Variants in IGSF11 observed in about 807,000 individuals in gnomAD.
IGSF11 encodes the protein CXADR like 1.
A neutral mutation model predicts 41.0 loss-of-function variants in IGSF11; 22 were observed. That is an observed-to-expected ratio of 0.54 (90% CI 0.38 to 0.77). IGSF11 has a LOEUF of 0.77. IGSF11 is among the 30% of genes least tolerant of loss of function. The probability of loss-of-function intolerance (pLI) is 0.00; values close to 1 mark genes in which losing one functional copy is unlikely to be tolerated. For synonymous variants in IGSF11, 219 were observed against 201.3 expected (o/e 1.09, Z -0.74); for missense variants, 444 against 530.8 (o/e 0.84, Z 1.61).
chr3:118,967,996 T>C (rs148936840), intron 1 of IGSF11, among the ~76,000 whole-genome samples: 82 of 152,254 alleles, frequency 5.4e-4, no homozygotes, highest in African/African-American at 1.8e-3. Flanking sequence ...AGAGAGAGAA[T>C]TTTTGAGATC....
chr3:119,015,951 C>G (rs1180144897), intron 1 of IGSF11, among the ~76,000 whole-genome samples: 1 of 152,132 alleles, frequency 6.6e-6, no homozygotes, highest in Non-Finnish European at 1.5e-5. Flanking sequence ...CAGAAGAAAA[C>G]ATGAACCATC....
At chr3:118,955,030 C>G (rs964564605) in intron 1 of IGSF11, among the ~76,000 whole-genome samples, 3 of 152,068 alleles carry the variant, frequency 2.0e-5, no homozygotes, top group African/African-American at 7.2e-5. Flanking sequence ...GTAGAACTAC[C>G]ATTTGATCCA....
At chr3:119,042,177 C>T (rs1273084176) in intron 1 of IGSF11, among the ~76,000 whole-genome samples, 2 of 152,156 alleles carry the variant, frequency 1.3e-5, no homozygotes, top group Non-Finnish European at 2.9e-5. Flanking sequence ...ATTAAGTGCC[C>T]ACTGAAGGCA....
At chr3:119,100,316 T>C (rs910514819) in intron 1 of IGSF11, among the ~76,000 whole-genome samples, 4 of 152,172 alleles carry the variant, frequency 2.6e-5, no homozygotes, top group African/African-American at 9.7e-5. Flanking sequence ...AGATATAAGA[T>C]GTTTCAGAAA....
In IGSF11 at chr3:119,033,169, G is replaced by A. The variant is rs79359004; in HGVS notation, c.52+1362C>T. Among the ~76,000 whole-genome samples the A allele has an allele frequency of 2.8e-4, 43 of 152,242 alleles. No individual in the cohort carries two copies. In the East Asian group the frequency reaches 8.1e-3, roughly 29 times the overall value. On this transcript the variant is annotated intron_variant, in intron 1 of 6. Coordinates refer to ENST00000393775, the MANE Select transcript of IGSF11 (RefSeq NM_001015887.3). ...TACACAAATGCTATTTACAAAAAGA[G>A]GAGCATTTATTATAATATACAACTT...
chr3:119,136,851 A>C (rs1266376274), intron 1 of IGSF11, among the ~76,000 whole-genome samples: 1 of 152,156 alleles, frequency 6.6e-6, no homozygotes. Flanking sequence ...ACAAAAAAAA[A>C]CTATTAGAAC....
Position 118,901,138 on chromosome 3 carries a change from T to G in IGSF11, c.*1382A>C, listed in dbSNP as rs1576304199. The G allele has an allele frequency of 1.3e-5, 2 of 152,468 alleles. No individual in the cohort carries two copies. The highest frequency in any genetic ancestry group is 2.9e-5 in the Non-Finnish European group (2 of 68,016). 9.4% of individuals were successfully genotyped at this position (152,468 alleles called of 1,614,324 possible). A position where few individuals can be genotyped will look rare whatever the true frequency, so the allele number is the denominator to read the frequency against. On this transcript the variant is annotated 3_prime_UTR_variant, in exon 7 of 7. Transcript: ENST00000393775. ...TCTGAGAAGAAATTTGTGGGTTGCT[T>G]AAGTGTGGTTAAGGCAAGACAGTCA...
intron 1 of IGSF11, among the ~76,000 whole-genome samples, chr3:119,043,178 T>A (rs986891446): frequency 2.6e-5 from 4 of 152,252 alleles, no homozygotes; most frequent in Middle Eastern, 3.4e-3. Flanking sequence ...GTTGCAAGAT[T>A]TAATAGAGTG....
intron 1 of IGSF11, among the ~76,000 whole-genome samples, chr3:119,102,511 A>T (rs1174451616): frequency 6.6e-6 from 1 of 152,194 alleles, no homozygotes; most frequent in Admixed American, 6.5e-5. Flanking sequence ...AATGTTAACA[A>T]TTCCATGTCA....
At chr3:119,114,243 C>T (rs191368374) in intron 1 of IGSF11, among the ~76,000 whole-genome samples, 386 of 152,354 alleles carry the variant, frequency 2.5e-3, no homozygotes, top group Non-Finnish European at 4.2e-3. Flanking sequence ...TTGAATTCGT[C>T]CCCAGAAAAT....
rs190109591 is a variant in IGSF11, at chr3:118,927,401, T to A, written c.424+1108A>T. 2.0e-5 allele frequency among the ~76,000 whole-genome samples: 3 copies of A among 152,356 alleles called. No individual in the cohort carries two copies. In the East Asian group the frequency reaches 5.8e-4, roughly 29 times the overall value. On this transcript the variant is annotated intron_variant, in intron 3 of 6. Coordinates refer to ENST00000393775, the MANE Select transcript of IGSF11 (RefSeq NM_001015887.3). ...TAACTTACAGGTCTAAGTATCAGAA[T>A]ATTTAATTCCATTAGTACACTATAC... is the stretch of plus-strand genomic sequence containing the variant.
At chr3:118,994,079 T>C (rs1458779165) in intron 1 of IGSF11, among the ~76,000 whole-genome samples, 2 of 152,204 alleles carry the variant, frequency 1.3e-5, no homozygotes, top group Non-Finnish European at 2.9e-5. Context: ...TTCACACTTC[T>C]GAAAGCAGTC....
At chr3:118,976,527 T>A (rs546622708) in intron 1 of IGSF11, among the ~76,000 whole-genome samples, 16 of 152,196 alleles carry the variant, frequency 1.1e-4, no homozygotes, top group Admixed American at 8.5e-4. Flanking sequence ...TGCCATGATC[T>A]GGGGTTCCAA....
chr3:119,061,426 C>G (rs76048535), intron 1 of IGSF11, among the ~76,000 whole-genome samples: 86 of 152,220 alleles, frequency 5.6e-4, no homozygotes, highest in African/African-American at 1.8e-3. Flanking sequence ...ACATGTGCAA[C>G]CTGGAAGCAT....
intron 1 of IGSF11, among the ~76,000 whole-genome samples, chr3:119,144,851 T>C (rs2077698064): frequency 6.6e-6 from 1 of 152,224 alleles, no homozygotes; most frequent in Admixed American, 6.5e-5. Context: ...CTTTACGCTT[T>C]CTTTTTTATA....
chr3:119,063,229 T>C (rs376948812), intron 1 of IGSF11, among the ~76,000 whole-genome samples: 23 of 152,170 alleles, frequency 1.5e-4, no homozygotes, highest in African/African-American at 5.3e-4. Context: ...GTCTGAGTTC[T>C]GAATGGGCCT....
chr3:119,026,309 G>A (rs1939820823), intron 1 of IGSF11, among the ~76,000 whole-genome samples: 1 of 151,980 alleles, frequency 6.6e-6, no homozygotes, highest in Non-Finnish European at 1.5e-5. Flanking sequence ...CTGGCTAGTT[G>A]TCTCTACAGC....
chr3:119,090,709 C>A (rs956505750), intron 1 of IGSF11, among the ~76,000 whole-genome samples: 3 of 152,152 alleles, frequency 2.0e-5, no homozygotes, highest in Non-Finnish European at 4.4e-5. Context: ...TTGATGGCTA[C>A]CTTTCACCAT....
chr3:119,041,526 T>G (rs1387323460), intron 1 of IGSF11, among the ~76,000 whole-genome samples: 8 of 151,874 alleles, frequency 5.3e-5, no homozygotes, highest in Non-Finnish European at 1.0e-4. Context: ...GAGAGGTTGC[T>G]GTGAGCCGAG....
Sources: allele counts gnomAD v4.1 joint callset (sites outside exome capture counted in the v4.1 genomes callset), GRCh38; gene constraint gnomAD v4.1.1; transcripts MANE v1.5; gene names NCBI Gene and HGNC (gene_info 2026-07-23, HGNC 2026-07-21).